The following NTM variants were observed in gnomAD, a reference collection of about 807,000 sequenced individuals.
NTM encodes the protein IgLON family member 2.
NTM carries 13 observed loss-of-function variants against 42.1 expected under a neutral mutation model. The ratio of observed to expected loss-of-function variants is 0.31; its 90% CI spans 0.20 to 0.49. The LOEUF (loss-of-function observed/expected upper bound fraction) is 0.49. NTM is among the 20% of genes least tolerant of loss of function. The pLI is 0.99. For synonymous variants in NTM, 187 were observed against 179.2 expected (o/e 1.04, Z -0.35); for missense variants, 373 against 452.8 (o/e 0.82, Z 1.60).
At position 131,978,400 on chromosome 11, in the gene NTM, C is replaced by T. The variant is rs58548815; in HGVS notation, c.167+66752C>T. Among the ~76,000 whole-genome samples the T allele has an allele frequency of 3.3e-3, 506 of 152,170 alleles. 3 individuals carry two copies. The highest frequency in any genetic ancestry group is 0.012 in the African/African-American group (484 of 41,516). On this transcript the variant is annotated intron_variant, in intron 2 of 8. Transcript: ENST00000683400. ...CTAGTCTGGTGGATTTCAAATTATTCGGGTCAGAGCACCTATTCTTTTGAA... is the reference window on the plus strand; with the variant it reads ...CTAGTCTGGTGGATTTCAAATTATTTGGGTCAGAGCACCTATTCTTTTGAA...
chr11:131,375,421 T>C (rs780711418), intron 1 of NTM, among the ~76,000 whole-genome samples: 3 of 152,202 alleles, frequency 2.0e-5, no homozygotes, highest in Non-Finnish European at 4.4e-5. Flanking sequence ...AAAGAAAGCA[T>C]GCAGTAATAA....
chr11:131,818,039 G>T (rs764178581), intron 1 of NTM, among the ~76,000 whole-genome samples: 1 of 152,168 alleles, frequency 6.6e-6, no homozygotes, highest in Non-Finnish European at 1.5e-5. Flanking sequence ...GGTGTTGACA[G>T]TACACACTTG....
intron 1 of NTM, among the ~76,000 whole-genome samples, chr11:131,741,511 T>C (rs747123399): frequency 1.3e-5 from 2 of 152,228 alleles, no homozygotes; most frequent in Non-Finnish European, 2.9e-5. Flanking sequence ...TTATTCACTC[T>C]GGTGATCATG....
chr11:132,175,737 G>T (rs114821784), intron 3 of NTM, among the ~76,000 whole-genome samples: 1 of 151,946 alleles, frequency 6.6e-6, no homozygotes, highest in Non-Finnish European at 1.5e-5. Flanking sequence ...ACAGGTGCCC[G>T]CCACCATGCC....
rs372312519 is a variant in NTM at position 131,475,418 on chromosome 11, G to A, written c.82+104530G>A. On this transcript the variant is annotated intron_variant, in intron 1 of 8. Transcript: ENST00000683400. Reference sequence around the variant, plus strand: ...TTTGTGAGCTCCCACACATGAGAAGGGGGCCATGACAGGTACAGAGGGTGT... The same window carrying A: ...TTTGTGAGCTCCCACACATGAGAAGAGGGCCATGACAGGTACAGAGGGTGT... 1.2e-4 allele frequency among the ~76,000 whole-genome samples: 19 copies of A among 152,184 alleles called. No individual in the cohort carries two copies. In the East Asian group the frequency reaches 3.5e-3, roughly 28 times the overall value.
intron 1 of NTM, among the ~76,000 whole-genome samples, chr11:131,676,220 C>T (rs2071356517): frequency 6.6e-6 from 1 of 152,138 alleles, no homozygotes; most frequent in South Asian, 2.1e-4. Flanking sequence ...AAAAGGGAGG[C>T]TTTGGGAGCA....
intron 1 of NTM, among the ~76,000 whole-genome samples, chr11:131,428,880 C>CA (rs35312475): frequency 0.041 from 3,418 of 83,952 alleles, 130 homozygotes; most frequent in African/African-American, 0.12. Context: ...ACTAAAAATA[C>CA]AAAAAAAAAA....
At chr11:131,869,588 T>C (rs2047570354) in intron 1 of NTM, among the ~76,000 whole-genome samples, 2 of 152,238 alleles carry the variant, frequency 1.3e-5, no homozygotes, top group South Asian at 4.1e-4. Context: ...GCCTTCCAAC[T>C]GCTATTTCTA....
intron 1 of NTM, among the ~76,000 whole-genome samples, chr11:131,548,189 T>C (rs1355158603): frequency 6.6e-6 from 1 of 152,198 alleles, no homozygotes; most frequent in Non-Finnish European, 1.5e-5. Flanking sequence ...TACTTGGTAG[T>C]TAATAAATCT....
intron 2 of NTM, among the ~76,000 whole-genome samples, chr11:132,023,606 A>C (rs543005): frequency 6.6e-6 from 1 of 151,736 alleles, no homozygotes; most frequent in Non-Finnish European, 1.5e-5. Context: ...CACCAAGAGC[A>C]CCCCTCTGTC....
At chr11:131,937,194 T>G (rs989952401) in intron 2 of NTM, among the ~76,000 whole-genome samples, 8 of 152,156 alleles carry the variant, frequency 5.3e-5, no homozygotes, top group African/African-American at 1.9e-4. Flanking sequence ...GAGTCAGCAG[T>G]TTATGTGTGT....
rs189581576 is a variant in NTM, at chr11:132,333,372, G to A, written c.968-1674G>A. Reference sequence around the variant, plus strand: ...TCTCTCACCCTTGAAGGCATCCGGCGGAGGCTTCTCTCCTTTGATTCCAAA... The same window carrying A: ...TCTCTCACCCTTGAAGGCATCCGGCAGAGGCTTCTCTCCTTTGATTCCAAA... On this transcript the variant is annotated intron_variant, in intron 8 of 8. Transcript: ENST00000683400. Among the ~76,000 whole-genome samples, 209 of 152,200 alleles carry A rather than the reference G, an allele frequency of 1.4e-3. 4 individuals carry two copies. The South Asian group carries it at 0.017, about 13-fold the overall frequency.
chr11:131,620,015 G>A (rs2062362429), intron 1 of NTM, among the ~76,000 whole-genome samples: 1 of 152,014 alleles, frequency 6.6e-6, no homozygotes, highest in Non-Finnish European at 1.5e-5. Context: ...ATGTTGGCCA[G>A]GATGGTCTTG....
intron 2 of NTM, among the ~76,000 whole-genome samples, chr11:131,954,724 T>G (rs956582518): frequency 6.6e-6 from 1 of 152,156 alleles, no homozygotes; most frequent in South Asian, 2.1e-4. Flanking sequence ...CACCTGTAAT[T>G]CCCCATCCAC....
intron 2 of NTM, among the ~76,000 whole-genome samples, chr11:132,060,453 T>C (rs2080478160): frequency 6.6e-6 from 1 of 152,228 alleles, no homozygotes; most frequent in Non-Finnish European, 1.5e-5. Flanking sequence ...TATCCACATT[T>C]AATGGAACAT....
chr11:132,079,490 T>C (rs958707831), intron 2 of NTM, among the ~76,000 whole-genome samples: 1 of 152,246 alleles, frequency 6.6e-6, no homozygotes, highest in Non-Finnish European at 1.5e-5. Context: ...ATGATGTTGA[T>C]GCTATCCTTG....
chr11:131,446,820 C>A (rs1950093588), intron 1 of NTM, among the ~76,000 whole-genome samples: 1 of 152,202 alleles, frequency 6.6e-6, no homozygotes, highest in Non-Finnish European at 1.5e-5. Flanking sequence ...TACTTGGAGG[C>A]CTCCATCCTT....
intron 2 of NTM, among the ~76,000 whole-genome samples, chr11:131,953,058 A>G (rs2061189777): frequency 6.6e-6 from 1 of 152,186 alleles, no homozygotes; most frequent in Non-Finnish European, 1.5e-5. Flanking sequence ...GTAGCCATTC[A>G]TCATGACTCT....
chr11:131,704,074 C>A (rs1483428369), intron 1 of NTM, among the ~76,000 whole-genome samples: 1 of 97,608 alleles, frequency 1.0e-5, no homozygotes, highest in Non-Finnish European at 2.1e-5. Flanking sequence ...CCTTACAACC[C>A]CCCTGGTTCC....
Sources: gnomAD v4.1 joint callset for allele counts (sites outside exome capture counted in the v4.1 genomes callset) on GRCh38, gnomAD v4.1.1 for gene constraint, MANE v1.5 for transcripts, NCBI Gene and HGNC (gene_info 2026-07-23, HGNC 2026-07-21) for gene names.